The following CSMD1 variants were observed in gnomAD, a reference collection of about 807,000 sequenced individuals.
CSMD1 encodes CUB and Sushi multiple domains 1, also known as CUB and sushi domain-containing protein 1.
A neutral mutation model predicts 417.5 loss-of-function variants in CSMD1; 213 were observed. The observed-to-expected ratio is 0.51, with a 90% CI of 0.46 to 0.57. CSMD1 has a LOEUF of 0.57. Ranked by LOEUF, CSMD1 falls within the 20% of genes least tolerant of loss-of-function variation. The probability of loss-of-function intolerance (pLI) is 0.00; values close to 1 mark genes in which losing one functional copy is unlikely to be tolerated. For synonymous variants in CSMD1, 2,862 were observed against 1,736.8 expected (o/e 1.65, Z -16.11); for missense variants, 6,923 against 4,529.7 (o/e 1.53, Z -15.17).
intron 25 of CSMD1, among the ~76,000 whole-genome samples, chr8:3,298,077 A>G (rs1255001202): frequency 2.0e-5 from 3 of 152,210 alleles, no homozygotes; most frequent in South Asian, 2.1e-4. Flanking sequence ...TGAAAAAACA[A>G]TCAATCCCAT....
At chr8:3,735,321 CAA>C (rs58580697) in intron 6 of CSMD1, among the ~76,000 whole-genome samples, 90,306 of 151,194 alleles carry the variant, frequency 0.6, 28,394 homozygotes, top group South Asian at 0.69. Flanking sequence ...ACAAAACACA[CAA>C]ACACACACAC....
chr8:3,829,821 A>G (rs570955102), intron 5 of CSMD1, among the ~76,000 whole-genome samples: 1 of 152,160 alleles, frequency 6.6e-6, no homozygotes, highest in Non-Finnish European at 1.5e-5. Context: ...GCCACTGAAT[A>G]AGTTCGTTTT....
At chr8:4,932,923 T>G (rs1386143010) in intron 1 of CSMD1, among the ~76,000 whole-genome samples, 1 of 152,214 alleles carries the variant, frequency 6.6e-6, no homozygotes, top group Non-Finnish European at 1.5e-5. Context: ...AATAGTGAAT[T>G]AAATTATTAT....
At chr8:4,473,055 G>C (rs934249219) in intron 2 of CSMD1, among the ~76,000 whole-genome samples, 7 of 151,914 alleles carry the variant, frequency 4.6e-5, no homozygotes, top group African/African-American at 1.5e-4. Context: ...TCTGCATTAA[G>C]TGATATTTTA....
At chr8:3,356,784 C>T (rs1163734018) in intron 21 of CSMD1, among the ~76,000 whole-genome samples, 3 of 152,226 alleles carry the variant, frequency 2.0e-5, no homozygotes, top group African/African-American at 4.8e-5. Context: ...AGGGCTCCAT[C>T]TGTCTGCAGG....
chr8:3,951,007 C>T (rs1376589560), intron 5 of CSMD1, among the ~76,000 whole-genome samples: 1 of 152,094 alleles, frequency 6.6e-6, no homozygotes, highest in African/African-American at 2.4e-5. Flanking sequence ...CAACTGAGCC[C>T]CGTTTCTGAT....
chr8:3,643,258 G>C lies in CSMD1; in HGVS notation c.1010-26461C>G, dbSNP rs541175946. On this transcript the variant is annotated intron_variant, in intron 7 of 69. Coordinates refer to ENST00000635120, the MANE Select transcript of CSMD1 (RefSeq NM_033225.6). Reference sequence around the variant, plus strand: ...AACAGCAGAACAAAGACAAAGAGAAGATTCCAAAAGTAGCCAAAGAGAACT... The same window carrying C: ...AACAGCAGAACAAAGACAAAGAGAACATTCCAAAAGTAGCCAAAGAGAACT... 3.3e-5 allele frequency among the ~76,000 whole-genome samples: 5 copies of C among 152,108 alleles called. No individual in the cohort carries two copies. In the East Asian group the frequency reaches 9.7e-4, roughly 29 times the overall value.
intron 5 of CSMD1, among the ~76,000 whole-genome samples, chr8:3,892,714 GGTTTTTT>G (rs1481959570): frequency 9.0e-6 from 1 of 110,670 alleles, no homozygotes; most frequent in African/African-American, 3.4e-5. Flanking sequence ...CATTTAGGCA[GGTTTTTT>G]TTTTTTTTTT....
chr8:3,256,638 A>C (rs547150307), intron 26 of CSMD1, among the ~76,000 whole-genome samples: 1 of 152,202 alleles, frequency 6.6e-6, no homozygotes. Flanking sequence ...CACTTCCAAC[A>C]TGTGTGCCTT....
intron 5 of CSMD1, among the ~76,000 whole-genome samples, chr8:3,959,406 G>C (rs977743311): frequency 1.6e-4 from 24 of 152,294 alleles, no homozygotes; most frequent in Non-Finnish European, 3.4e-4. Context: ...GGCTGAAGTG[G>C]GAAGATCACT....
At chr8:4,705,226 T>G (rs1807849982) in intron 1 of CSMD1, among the ~76,000 whole-genome samples, 1 of 152,202 alleles carries the variant, frequency 6.6e-6, no homozygotes, top group Non-Finnish European at 1.5e-5. Context: ...TTAGACCTCC[T>G]TCTTTTAAAA....
At chr8:3,617,723 G>T (rs1332106039) in intron 7 of CSMD1, among the ~76,000 whole-genome samples, 1 of 152,164 alleles carries the variant, frequency 6.6e-6, no homozygotes, top group Non-Finnish European at 1.5e-5. Context: ...ACCTGGACCT[G>T]CTACCTTATT....
chr8:3,207,156 T>C (rs1025416981), intron 30 of CSMD1, among the ~76,000 whole-genome samples: 1 of 76,654 alleles, frequency 1.3e-5, no homozygotes, highest in Non-Finnish European at 2.8e-5. Context: ...ATTTTCTTTT[T>C]TTTTTTTTGA....
At chr8:2,944,205 C>T (rs529543292) in intron 68 of CSMD1, among the ~76,000 whole-genome samples, 4 of 152,304 alleles carry the variant, frequency 2.6e-5, no homozygotes, top group East Asian at 1.9e-4. Context: ...GGACGTGCAG[C>T]GAGTGAAGCC....
intron 1 of CSMD1, among the ~76,000 whole-genome samples, chr8:4,709,312 A>T (rs1165831377): frequency 3.9e-5 from 6 of 152,126 alleles, no homozygotes; most frequent in Admixed American, 3.9e-4. Context: ...TGAACTATGG[A>T]GGTTGATACC....
intron 21 of CSMD1, among the ~76,000 whole-genome samples, chr8:3,354,247 G>C (rs188640549): frequency 6.6e-5 from 10 of 151,980 alleles, no homozygotes; most frequent in Admixed American, 4.6e-4. Flanking sequence ...AAATAACCTC[G>C]AGCCTATACA....
chr8:3,016,539 C>CA (rs1808850529), intron 52 of CSMD1, among the ~76,000 whole-genome samples: 1 of 152,192 alleles, frequency 6.6e-6, no homozygotes, highest in Admixed American at 6.5e-5. Context: ...GTGGTAGCTG[C>CA]AAAAACTATA....
intron 1 of CSMD1, among the ~76,000 whole-genome samples, chr8:4,922,814 G>C (rs1278528349): frequency 6.6e-6 from 1 of 152,146 alleles, no homozygotes; most frequent in South Asian, 2.1e-4. Flanking sequence ...CTTCTACACA[G>C]GGAAATGACT....
At chr8:4,500,671 T>C (rs1380543458) in intron 2 of CSMD1, among the ~76,000 whole-genome samples, 2 of 152,180 alleles carry the variant, frequency 1.3e-5, no homozygotes, top group Admixed American at 1.3e-4. Context: ...GTTCTAGCTC[T>C]GGACACTGTG....
Sources: allele counts gnomAD v4.1 joint callset (sites outside exome capture counted in the v4.1 genomes callset), GRCh38; gene constraint gnomAD v4.1.1; transcripts MANE v1.5; gene names NCBI Gene and HGNC (gene_info 2026-07-23, HGNC 2026-07-21).